The following CCDC178 variants were observed in gnomAD, a reference collection of about 807,000 sequenced individuals.
The protein encoded by CCDC178 is coiled-coil domain-containing protein 178.
Under a neutral mutation model 117.4 loss-of-function variants are expected in CCDC178, and 126 were observed. That is an observed-to-expected ratio of 1.07 (90% CI 0.93 to 1.24). The LOEUF is 1.24. CCDC178 is among the 50% of genes most tolerant of loss of function. CCDC178 has a pLI of 0.00. For synonymous variants in CCDC178, 283 were observed against 313.4 expected, an observed-to-expected ratio of 0.90 and a Z score of 1.02; for missense variants, 1,030 against 986.9, an observed-to-expected ratio of 1.04 and a Z score of -0.59.
chr18:33,350,440 CT>C (rs1046238411), intron 7 of CCDC178, among the ~76,000 whole-genome samples: 4 of 152,126 alleles, frequency 2.6e-5, no homozygotes, highest in African/African-American at 9.7e-5. Flanking sequence ...AGTCTCTCCC[CT>C]TTCTTCAACC....
intron 20 of CCDC178, among the ~76,000 whole-genome samples, chr18:33,164,605 A>AT (rs927102374): frequency 2.0e-5 from 3 of 152,104 alleles, no homozygotes; most frequent in African/African-American, 7.2e-5. Flanking sequence ...CTAGCAAAAA[A>AT]AAAAAATGGT....
rs1366098082 is a variant in CCDC178 at position 32,937,539 on chromosome 18, G to C, written c.*472C>G. The C allele has an allele frequency of 6.5e-6, 1 of 153,814 alleles. No individual in the cohort carries two copies. The highest frequency in any genetic ancestry group is 1.4e-5 in the Non-Finnish European group (1 of 68,990). 9.5% of individuals were successfully genotyped at this position (153,814 alleles called of 1,614,324 possible). On this transcript the variant is annotated 3_prime_UTR_variant, in exon 23 of 23. Coordinates refer to ENST00000383096, the MANE Select transcript of CCDC178 (RefSeq NM_001105528.4). The stretch of plus-strand genomic sequence containing the variant: ...AGCTCTCAGTGAGCTAAAAAAGACT[G>C]GTAAACACAAAAACAAAAGTACATT...
At chr18:33,086,900 C>T (rs2057386867) in intron 21 of CCDC178, among the ~76,000 whole-genome samples, 1 of 151,112 alleles carries the variant, frequency 6.6e-6, no homozygotes, top group African/African-American at 2.4e-5. Flanking sequence ...ATGCCAGAGG[C>T]AACCAAAAAT....
chr18:33,342,782 C>G (rs561662195), intron 9 of CCDC178, among the ~76,000 whole-genome samples: 1 of 152,230 alleles, frequency 6.6e-6, no homozygotes, highest in East Asian at 1.9e-4. Flanking sequence ...TTGTTGTAAG[C>G]CACTGAGTTC....
chr18:33,069,149 T>C (rs1316415203), intron 21 of CCDC178, among the ~76,000 whole-genome samples: 1 of 152,104 alleles, frequency 6.6e-6, no homozygotes, highest in South Asian at 2.1e-4. Flanking sequence ...CTTATCAAAA[T>C]ACCAATGACA....
rs778906005 is a variant in CCDC178 at position 33,245,258 on chromosome 18, C to G, written c.1580G>C (p.Arg527Thr). 6.3e-7 allele frequency: 1 copy of G among 1,583,646 alleles called. No individual in the cohort carries two copies. The change falls in exon 15 of 23, where the codon AGA becomes ACA. Residue 527 changes from arginine (R) to threonine (T), a missense_variant. Transcript: ENST00000383096. ...DEMEDKIAEV[R>T]RKFKGREEFL... ...AAGATACACAACCTTGAACTTTCTTCTCACTTCTGCTATTTTATCTTCCAT... is the reference window on the plus strand; with the variant it reads ...AAGATACACAACCTTGAACTTTCTTGTCACTTCTGCTATTTTATCTTCCAT...
intron 21 of CCDC178, among the ~76,000 whole-genome samples, chr18:33,050,414 AT>A (rs1172043113): frequency 6.6e-6 from 1 of 152,184 alleles, no homozygotes; most frequent in African/African-American, 2.4e-5. Flanking sequence ...TTTTTTAAAA[AT>A]ATCACTGATA....
intron 20 of CCDC178, among the ~76,000 whole-genome samples, chr18:33,172,567 C>T (rs1031970229): frequency 6.6e-6 from 1 of 152,002 alleles, no homozygotes; most frequent in Admixed American, 6.6e-5. Context: ...ACCGTTAAAA[C>T]CTTACTAGGG....
intron 2 of CCDC178, among the ~76,000 whole-genome samples, chr18:33,413,980 T>C (rs972971595): frequency 1.3e-5 from 2 of 152,142 alleles, no homozygotes; most frequent in Admixed American, 1.3e-4. Context: ...GCCCATTTTG[T>C]GTGTTGACTC....
intron 9 of CCDC178, among the ~76,000 whole-genome samples, chr18:33,338,408 T>G (rs1318380254): frequency 6.6e-6 from 1 of 152,158 alleles, no homozygotes; most frequent in East Asian, 1.9e-4. Context: ...ACTAGGTATC[T>G]ACCCAGAGGA....
At chr18:32,953,007 C>T (rs1471192681) in intron 22 of CCDC178, among the ~76,000 whole-genome samples, 7 of 152,094 alleles carry the variant, frequency 4.6e-5, no homozygotes, top group Non-Finnish European at 8.8e-5. Flanking sequence ...CTCCTGACCT[C>T]ATGATCTGCC....
At chr18:33,209,732 C>T (rs769071948) in intron 20 of CCDC178, among the ~76,000 whole-genome samples, 3 of 148,716 alleles carry the variant, frequency 2.0e-5, no homozygotes, top group Non-Finnish European at 4.4e-5. Context: ...ATTCTGGTCA[C>T]ATAAGGTGAA....
chr18:33,015,053 T>G (rs536506107), intron 21 of CCDC178, among the ~76,000 whole-genome samples: 1 of 151,214 alleles, frequency 6.6e-6, no homozygotes, highest in Non-Finnish European at 1.5e-5. Context: ...ATCAGGAGTT[T>G]GAGACCAGCC....
chr18:33,098,274 G>A lies in CCDC178; in HGVS notation c.2239-5364C>T, dbSNP rs553151821. ...ACCTTATTGTTAGTACAATCATCGTGGTGTCTATGACTAAATGCATAGCAA... is the reference window on the plus strand; with the variant it reads ...ACCTTATTGTTAGTACAATCATCGTAGTGTCTATGACTAAATGCATAGCAA... On this transcript the variant is annotated intron_variant, in intron 20 of 22. Transcript: ENST00000383096. 3.9e-5 allele frequency among the ~76,000 whole-genome samples: 6 copies of A among 152,048 alleles called. No individual in the cohort carries two copies. The South Asian group carries it at 1.2e-3, about 32-fold the overall frequency.
chr18:33,403,212 A>C (rs1166809159), intron 3 of CCDC178, among the ~76,000 whole-genome samples: 1 of 152,178 alleles, frequency 6.6e-6, no homozygotes, highest in Non-Finnish European at 1.5e-5. Context: ...GTATCTGAAC[A>C]TGCACATAAA....
In CCDC178 at chr18:33,281,097, T is replaced by TATAATA. The variant is rs35235042; in HGVS notation, c.1176+12056_1176+12061dup. Among the ~76,000 whole-genome samples, 886 of 145,614 alleles carry TATAATA rather than the reference T, an allele frequency of 6.1e-3. 10 individuals are homozygous for TATAATA. The highest frequency in any genetic ancestry group is 0.029 in the Middle Eastern group (8 of 280). ...TGCACATGTACCTTAAAACTTAAAGTATAATAATAATAATAATAAAGAAAC... is the reference window on the plus strand; with the variant it reads ...TGCACATGTACCTTAAAACTTAAAGTATAATAATAATAATAATAATAATAAAGAAAC... On this transcript the variant is annotated intron_variant, in intron 12 of 22. Coordinates refer to ENST00000383096, the MANE Select transcript of CCDC178 (RefSeq NM_001105528.4).
intron 9 of CCDC178, among the ~76,000 whole-genome samples, chr18:33,340,359 C>G (rs189565544): frequency 7.0e-4 from 107 of 152,152 alleles, no homozygotes; most frequent in African/African-American, 2.3e-3. Context: ...AAAAGGGAAA[C>G]AGCATAAAAG....
intron 20 of CCDC178, among the ~76,000 whole-genome samples, chr18:33,138,958 C>T (rs901153056): frequency 5.9e-5 from 9 of 152,150 alleles, no homozygotes; most frequent in Non-Finnish European, 4.4e-5. Context: ...GGCTGTGTCC[C>T]CACCCAAATC....
chr18:33,064,937 A>G (rs979477930), intron 21 of CCDC178, among the ~76,000 whole-genome samples: 5 of 152,202 alleles, frequency 3.3e-5, no homozygotes, highest in African/African-American at 7.2e-5. Context: ...ATTTGAGACG[A>G]CATGGATTGA....
Sources: allele counts gnomAD v4.1 joint callset (sites outside exome capture counted in the v4.1 genomes callset), GRCh38; gene constraint gnomAD v4.1.1; transcripts MANE v1.5; gene names NCBI Gene and HGNC (gene_info 2026-07-23, HGNC 2026-07-21).